CTIF: variants seen among roughly 807,000 people sequenced by gnomAD.
CTIF encodes CBP80/20-dependent translation initiation factor.
In CTIF, 21 loss-of-function variants were observed where a neutral mutation model predicts 66.0. That is an observed-to-expected ratio of 0.32 (90% CI 0.23 to 0.46). The LOEUF is 0.46. CTIF is among the 20% of genes least tolerant of loss of function. The pLI, the probability that CTIF is intolerant of heterozygous loss-of-function variation, is 1.00. For synonymous variants in CTIF, 345 were observed against 326.4 expected, an observed-to-expected ratio of 1.06 and a Z score of -0.62; for missense variants, 739 against 812.7, an observed-to-expected ratio of 0.91 and a Z score of 1.10.
Position 48,860,453 on chromosome 18 carries a change from C to CG in CTIF, c.*900dup, listed in dbSNP as rs3842395. The CG allele has an allele frequency of 0.37, 57,062 of 156,232 alleles. 10,976 individuals carry two copies. Among genetic ancestry groups the CG allele is most frequent in the African/African-American group, 0.46 (19,022 of 41,540 alleles). 9.7% of individuals were successfully genotyped at this position (156,232 alleles called of 1,614,324 possible). On this transcript the variant is annotated 3_prime_UTR_variant, in exon 12 of 12. Transcript: ENST00000256413. ...GGGTAATTGGAAACTTCTGCCCCGG[C>CG]GGGGGGTCCCCGCTGGAATCCTGTG...
At chr18:48,692,887 T>A (rs2091951460) in intron 6 of CTIF, among the ~76,000 whole-genome samples, 1 of 152,238 alleles carries the variant, frequency 6.6e-6, no homozygotes, top group Admixed American at 6.5e-5. Context: ...TACTGTGCAG[T>A]GTGGGAACCA....
chr18:48,731,408 G>A (rs925617790), intron 7 of CTIF, among the ~76,000 whole-genome samples: 1 of 152,150 alleles, frequency 6.6e-6, no homozygotes, highest in Non-Finnish European at 1.5e-5. Flanking sequence ...AGAATGGAGA[G>A]GTCCCCATTT....
At chr18:48,744,806 G>T (rs2092582435) in intron 7 of CTIF, among the ~76,000 whole-genome samples, 1 of 151,832 alleles carries the variant, frequency 6.6e-6, no homozygotes. Flanking sequence ...TTATCCTGGG[G>T]CAGTTCTTTC....
chr18:48,727,422 G>A (rs2092395587), intron 7 of CTIF, among the ~76,000 whole-genome samples: 1 of 152,182 alleles, frequency 6.6e-6, no homozygotes, highest in African/African-American at 2.4e-5. Context: ...GCATGTCTTT[G>A]CAGCTGATTT....
At chr18:48,594,833 T>A (rs2089960321) in intron 1 of CTIF, among the ~76,000 whole-genome samples, 1 of 152,204 alleles carries the variant, frequency 6.6e-6, no homozygotes, top group Non-Finnish European at 1.5e-5. Context: ...CCTCACCTGG[T>A]GCGTTCAGTC....
intron 10 of CTIF, among the ~76,000 whole-genome samples, chr18:48,830,590 T>C (rs932262318): frequency 1.3e-5 from 2 of 152,220 alleles, no homozygotes; most frequent in Non-Finnish European, 2.9e-5. Flanking sequence ...TATTTTATAT[T>C]GTATAAACTG....
chr18:48,615,814 A>T (rs1045160405), intron 1 of CTIF, among the ~76,000 whole-genome samples: 2 of 152,186 alleles, frequency 1.3e-5, no homozygotes, highest in African/African-American at 2.4e-5. Flanking sequence ...GGGCTACCCC[A>T]TGTGAATCTG....
chr18:48,590,119 C>T (rs1216874532), intron 1 of CTIF, among the ~76,000 whole-genome samples: 2 of 152,142 alleles, frequency 1.3e-5, no homozygotes, highest in Middle Eastern at 3.2e-3. Context: ...TTCAGGGGTG[C>T]GGGGGCGTGG....
intron 6 of CTIF, 57 bp downstream of exon 6, chr18:48,670,801 T>C (rs987150428): frequency 6.9e-7 from 1 of 1,439,154 alleles, no homozygotes; most frequent in African/African-American, 1.4e-5. Context: ...GTCCTGATCC[T>C]CTTCCTGGAC....
chr18:48,852,197 G>T (rs1247452068), intron 10 of CTIF, among the ~76,000 whole-genome samples: 1 of 130,158 alleles, frequency 7.7e-6, no homozygotes, highest in African/African-American at 2.9e-5. Context: ...TTGTATCACT[G>T]CACTCTGCCC....
chr18:48,713,677 G>A (rs182345948), intron 7 of CTIF, among the ~76,000 whole-genome samples: 9 of 152,288 alleles, frequency 5.9e-5, no homozygotes, highest in Admixed American at 1.3e-4. Flanking sequence ...CAGGGAAGAG[G>A]AGGCCGGAGG....
intron 7 of CTIF, among the ~76,000 whole-genome samples, chr18:48,722,999 A>G (rs1023836554): frequency 1.3e-5 from 2 of 152,226 alleles, no homozygotes; most frequent in Non-Finnish European, 2.9e-5. Flanking sequence ...CCTTTAGCTC[A>G]TATAGTCTTC....
At chr18:48,804,008 A>G (rs2068095562) in intron 9 of CTIF, among the ~76,000 whole-genome samples, 1 of 152,166 alleles carries the variant, frequency 6.6e-6, no homozygotes, top group South Asian at 2.1e-4. Context: ...CTTCCATGTA[A>G]GACAGCCCAG....
At chr18:48,580,956 A>C (rs2089642365) in intron 1 of CTIF, among the ~76,000 whole-genome samples, 1 of 152,220 alleles carries the variant, frequency 6.6e-6, no homozygotes, top group Non-Finnish European at 1.5e-5. Flanking sequence ...CCCAGCTGAC[A>C]CTGCTTTCGC....
intron 1 of CTIF, among the ~76,000 whole-genome samples, chr18:48,575,729 A>T (rs1451885330): frequency 6.6e-6 from 1 of 152,210 alleles, no homozygotes; most frequent in Non-Finnish European, 1.5e-5. Context: ...CCTGCCCCGG[A>T]TGCCTTTTGA....
intron 9 of CTIF, among the ~76,000 whole-genome samples, chr18:48,783,167 T>C (rs1029676541): frequency 1.1e-4 from 16 of 152,088 alleles, no homozygotes; most frequent in South Asian, 4.1e-4. Context: ...AGACACAGGG[T>C]CCCATGTAGG....
intron 5 of CTIF, among the ~76,000 whole-genome samples, chr18:48,668,046 G>C (rs913499029): frequency 3.9e-5 from 6 of 152,242 alleles, no homozygotes; most frequent in African/African-American, 7.2e-5. Context: ...GTTGGCAGCA[G>C]TGACTCAGCT....
chr18:48,648,468 A>AACACATAC (rs1555662943), intron 3 of CTIF, among the ~76,000 whole-genome samples: 1 of 148,468 alleles, frequency 6.7e-6, no homozygotes, highest in African/African-American at 2.5e-5. Flanking sequence ...CTTCGTTCTG[A>AACACATAC]ACACACACAC....
chr18:48,603,522 G>GATGT, intron 1 of CTIF, among the ~76,000 whole-genome samples: 1 of 150,212 alleles, frequency 6.7e-6, no homozygotes, highest in African/African-American at 2.4e-5. Context: ...TGGATGGATG[G>GATGT]ATGGATAGAT....
Sources: gnomAD v4.1 joint callset for allele counts (sites outside exome capture counted in the v4.1 genomes callset) on GRCh38, gnomAD v4.1.1 for gene constraint, MANE v1.5 for transcripts, NCBI Gene and HGNC (gene_info 2026-07-23, HGNC 2026-07-21) for gene names.